Variants in HECTD4 observed in about 807,000 individuals in gnomAD.
HECTD4 encodes probable E3 ubiquitin-protein ligase HECTD4.
A neutral mutation model predicts 471.5 loss-of-function variants in HECTD4; 114 were observed. The observed-to-expected ratio is 0.24, with a 90% CI of 0.21 to 0.28. The LOEUF (loss-of-function observed/expected upper bound fraction) is 0.28, where lower values mean the gene tolerates loss of function less well. HECTD4 is among the 10% of genes least tolerant of loss of function. HECTD4 has a pLI of 1.00. For synonymous variants in HECTD4, 2,012 were observed against 2,256.0 expected (o/e 0.89, Z 3.07); for missense variants, 3,866 against 5,651.5 (o/e 0.68, Z 10.13).
At chr12:112,320,336 A>G (rs2035559115) in intron 1 of HECTD4, among the ~76,000 whole-genome samples, 1 of 152,134 alleles carries the variant, frequency 6.6e-6, no homozygotes, top group East Asian at 1.9e-4. Context: ...CCTGTCTCAA[A>G]AAATAATACT....
At chr12:112,233,486 G>T (rs1362003624) in intron 37 of HECTD4, among the ~76,000 whole-genome samples, 2 of 151,964 alleles carry the variant, frequency 1.3e-5, no homozygotes, top group Non-Finnish European at 2.9e-5. Flanking sequence ...GACTCCTAAA[G>T]CACTGGGATT....
rs1363318965 is a variant in HECTD4 at position 112,381,473 on chromosome 12, A to AAAACC, written c.177+474_177+478dup. ...AGCTGCCACTACCCTCTCCCGGAAA[A>AAAACC]AAACCAAACCAAACCAAACAAAAAA... On this transcript the variant is annotated intron_variant, in intron 1 of 75. Transcript: ENST00000682272. The surrounding 1 kb of genome is among the most constrained non-coding windows in gnomAD (Gnocchi z 4.1). 6.6e-6 allele frequency among the ~76,000 whole-genome samples: 1 copy of AAAACC among 152,196 alleles called. No homozygotes were observed. The highest frequency in any genetic ancestry group is 1.5e-5 in the Non-Finnish European group (1 of 68,040).
intron 1 of HECTD4, among the ~76,000 whole-genome samples, chr12:112,376,689 C>T (rs1257040816): frequency 6.6e-6 from 1 of 152,212 alleles, no homozygotes; most frequent in South Asian, 2.1e-4. Flanking sequence ...GAGGACGCTT[C>T]CCTCTCAAGG....
At chr12:112,217,959 G>C (rs2032973032) in intron 45 of HECTD4, among the ~76,000 whole-genome samples, 1 of 151,892 alleles carries the variant, frequency 6.6e-6, no homozygotes, top group Non-Finnish European at 1.5e-5. Flanking sequence ...TTCTCTATCA[G>C]ATAAAAGCAA....
intron 1 of HECTD4, among the ~76,000 whole-genome samples, chr12:112,373,526 CAAACA>C (rs1443031345): frequency 6.6e-6 from 1 of 151,932 alleles, no homozygotes; most frequent in African/African-American, 2.4e-5. Context: ...CATTTCAAAA[CAAACA>C]AAACAAAACA....
chr12:112,265,077 TTG>T (rs1250950882), intron 16 of HECTD4, 96 bp downstream of exon 16: 2 of 1,152,692 alleles, frequency 1.7e-6, no homozygotes, highest in Non-Finnish European at 2.4e-6. Flanking sequence ...TCATAAATTA[TTG>T]TAAGTCTGTA....
intron 7 of HECTD4, among the ~76,000 whole-genome samples, chr12:112,287,557 C>A (rs149036600): frequency 6.6e-6 from 1 of 152,014 alleles, no homozygotes; most frequent in East Asian, 1.9e-4. Flanking sequence ...ATATAGAGCA[C>A]ATGGGGGCAG....
At chr12:112,375,839 C>T (rs993326643) in intron 1 of HECTD4, among the ~76,000 whole-genome samples, 13 of 151,194 alleles carry the variant, frequency 8.6e-5, no homozygotes, top group African/African-American at 3.2e-4. Context: ...GAGGTAGAGG[C>T]GGCTGGATCA....
chr12:112,329,460 T>G (rs1402037476), intron 1 of HECTD4, among the ~76,000 whole-genome samples: 2 of 151,438 alleles, frequency 1.3e-5, no homozygotes, highest in Non-Finnish European at 2.9e-5. Context: ...CTCCGTCTCC[T>G]GGGTTCAAAT....
chr12:112,216,862 G>A lies in HECTD4; in HGVS notation c.7296C>T (p.Thr2432=), dbSNP rs975539506. ...TGAAGCCAAAGGAAACTATGGGTCC[G>A]GTGTCATCATCGGTGTCTCCATAGG... ...IVSYGDTDDD[T]GPIVSFGFTT... is the part of the protein sequence containing the mutation. Residue 2432 remains threonine, a synonymous_variant, in exon 47 of 76, where the codon ACC becomes ACT. Coordinates refer to ENST00000682272, the MANE Select transcript of HECTD4 (RefSeq NM_001388303.1). 7 of 1,613,974 alleles carry A rather than the reference G, an allele frequency of 4.3e-6. No homozygotes were observed. The highest frequency in any genetic ancestry group is 1.3e-5 in the African/African-American group (1 of 75,046).
chr12:112,265,212 G>A lies in HECTD4; in HGVS notation c.2582C>T (p.Ser861Phe), dbSNP rs1593990353. The change falls in exon 16 of 76, where the codon TCT (serine) becomes TTT (phenylalanine). Residue 861 changes from serine to phenylalanine, a missense_variant. Around this residue, in one of 16 missense-constraint regions of HECTD4, gnomAD observed 525 missense variants for 672.6 expected, o/e 0.78. Transcript: ENST00000682272. Reference sequence around the variant, plus strand: ...AAGGAGCTTTTGAAAATCATCTTTAGAGACAGTTTGGCACTTGGTGATTAA... The same window carrying A: ...AAGGAGCTTTTGAAAATCATCTTTAAAGACAGTTTGGCACTTGGTGATTAA... ...CILITKCQTV[S>F]KDDFQKLLST... 6.2e-7 allele frequency: 1 copy of A among 1,607,284 alleles called. No homozygotes were observed. Among genetic ancestry groups the A allele is most frequent in the East Asian group, 2.2e-5 (1 of 44,564 alleles).
intron 64 of HECTD4, 132 bp from the exon 65 acceptor site, chr12:112,176,834 G>T: frequency 1.4e-6 from 1 of 710,350 alleles, no homozygotes; most frequent in Non-Finnish European, 2.4e-6. Context: ...TAGGGCGGGG[G>T]CGTTCAAGAC....
chr12:112,258,628 G>C, intron 19 of HECTD4, 32 bp from the exon 20 acceptor site: 5 of 1,545,202 alleles, frequency 3.2e-6, no homozygotes, highest in Non-Finnish European at 4.4e-6. Flanking sequence ...ATGTCTTCCA[G>C]GGCTACTGTC....
chr12:112,362,610 G>A (rs938935835), intron 1 of HECTD4, among the ~76,000 whole-genome samples: 4 of 152,204 alleles, frequency 2.6e-5, no homozygotes, highest in Admixed American at 1.3e-4. Flanking sequence ...ACTAATACTG[G>A]CTGCTGCTGG....
intron 9 of HECTD4, among the ~76,000 whole-genome samples, chr12:112,277,303 ATTATG>A (rs1012620727): frequency 2.6e-5 from 4 of 152,190 alleles, no homozygotes; most frequent in African/African-American, 9.7e-5. Flanking sequence ...CCTCGAAAAC[ATTATG>A]TTAAGTTTAA....
In HECTD4 at chr12:112,164,146, C is replaced by T; in HGVS notation, c.12664G>A (p.Val4222Met). 6.2e-7 allele frequency: 1 copy of T among 1,612,610 alleles called. No homozygotes were observed. The highest frequency in any genetic ancestry group is 1.1e-5 in the South Asian group (1 of 91,028). The change falls in exon 73 of 76, where the codon GTG becomes ATG. Residue 4222 changes from valine to methionine, a missense_variant. Around this residue, in one of 16 missense-constraint regions of HECTD4, gnomAD observed 715 missense variants for 1,087.6 expected, o/e 0.66. Transcript: ENST00000682272. Reference protein sequence around the residue: ...FTYLTMTGEEVELCSRGRHIL... With the variant: ...FTYLTMTGEEMELCSRGRHIL... Reference sequence around the variant, plus strand: ...TGCCGGCCCCGGCTGCACAGCTCCACCTCCTCGCCCGTCATGGTCAGGTAG... The same window carrying T: ...TGCCGGCCCCGGCTGCACAGCTCCATCTCCTCGCCCGTCATGGTCAGGTAG...
chr12:112,187,071 C>T (rs1011794001), intron 60 of HECTD4, among the ~76,000 whole-genome samples: 1 of 152,102 alleles, frequency 6.6e-6, no homozygotes, highest in African/African-American at 2.4e-5. Context: ...CCTCCGCCTC[C>T]CAGGTTCAAG....
At chr12:112,262,515 CAAAAAAAAAAAA>C (rs758273849) in intron 17 of HECTD4, among the ~76,000 whole-genome samples, 2 of 19,756 alleles carry the variant, frequency 1.0e-4, no homozygotes, top group South Asian at 2.9e-3. Context: ...GACTCCATCT[CAAAAAAAAAAAA>C]AAAAAAAAAA....
At chr12:112,304,194 A>T (rs1221364108) in intron 7 of HECTD4, among the ~76,000 whole-genome samples, 1 of 150,988 alleles carries the variant, frequency 6.6e-6, no homozygotes, top group Non-Finnish European at 1.5e-5. Flanking sequence ...TCAGAGAATC[A>T]GGGAATTCTT....
Sources: allele counts gnomAD v4.1 joint callset (sites outside exome capture counted in the v4.1 genomes callset), GRCh38; gene constraint gnomAD v4.1.1; regional missense constraint gnomAD v4.1.1; non-coding constraint Gnocchi (gnomAD v3.1); transcripts MANE v1.5; gene names NCBI Gene and HGNC (gene_info 2026-07-23, HGNC 2026-07-21).